ATP8A1: variants seen among roughly 807,000 people sequenced by gnomAD.
The protein encoded by ATP8A1 is phospholipid-transporting ATPase IA.
A neutral mutation model predicts 177.7 loss-of-function variants in ATP8A1; 90 were observed. That is an observed-to-expected ratio of 0.51 (90% CI 0.43 to 0.60). The LOEUF is 0.60. Among genes scored for constraint, ATP8A1 ranks in the 20% least tolerant of loss-of-function variants. The pLI, the probability that ATP8A1 is intolerant of heterozygous loss-of-function variation, is 0.00. For synonymous variants in ATP8A1, 493 were observed against 485.9 expected (o/e 1.01, Z -0.19); for missense variants, 1,072 against 1,392.8 (o/e 0.77, Z 3.67).
intron 1 of ATP8A1, among the ~76,000 whole-genome samples, chr4:42,635,505 A>T (rs28442039): frequency 2.0e-5 from 3 of 151,906 alleles, no homozygotes; most frequent in African/African-American, 7.3e-5. Flanking sequence ...TGCTTGCAAC[A>T]GTCAAAGAAT....
chr4:42,413,079 T>C (rs573149917), intron 36 of ATP8A1, 66 bp from the exon 37 acceptor site: 68 of 1,353,530 alleles, frequency 5.0e-5, no homozygotes, highest in Non-Finnish European at 1.1e-5. Flanking sequence ...TTCTGACTTT[T>C]GGGTATTCAT....
intron 19 of ATP8A1, among the ~76,000 whole-genome samples, chr4:42,547,742 A>G (rs1453254426): frequency 6.6e-6 from 1 of 152,210 alleles, no homozygotes; most frequent in Non-Finnish European, 1.5e-5. Flanking sequence ...AGCTTTAAAT[A>G]ATAAGTCAGA....
intron 33 of ATP8A1, among the ~76,000 whole-genome samples, chr4:42,436,295 C>G (rs1478786236): frequency 8.8e-6 from 1 of 113,556 alleles, no homozygotes; most frequent in African/African-American, 3.4e-5. Flanking sequence ...GTGCCTAACA[C>G]AGGCCCTGGC....
In ATP8A1 at chr4:42,524,984, A is replaced by T. The variant is rs528232010; in HGVS notation, c.1723-137T>A. ...TGGCATTCGTTTTAAAGAACAAGAT[A>T]TTTTTGTCTAATAATACTATTTTGC... On this transcript the variant is annotated intron_variant, in intron 20 of 36. Coordinates refer to ENST00000381668, the MANE Select transcript of ATP8A1 (RefSeq NM_006095.2). 5.0e-4 allele frequency: 258 copies of T among 513,070 alleles called. 2 individuals carry two copies. In the South Asian group the frequency reaches 6.8e-3, roughly 13 times the overall value. The allele number at this position is 513,070 out of a possible 1,614,324, so 31.8% of individuals were successfully genotyped here. A position where few individuals can be genotyped will look rare whatever the true frequency, so the allele number is the denominator to read the frequency against.
Position 42,413,580 on chromosome 4 carries a change from C to T in ATP8A1, c.3398-567G>A, listed in dbSNP as rs568878012. Among the ~76,000 whole-genome samples, 9 of 152,304 alleles carry T rather than the reference C, an allele frequency of 5.9e-5. No individual in the cohort carries two copies. The South Asian group carries it at 1.7e-3, about 28-fold the overall frequency. On this transcript the variant is annotated intron_variant, in intron 36 of 36. Coordinates refer to ENST00000381668, the MANE Select transcript of ATP8A1 (RefSeq NM_006095.2). Reference sequence around the variant, plus strand: ...TGCATATAACCTACACACATTCTCTCGTAGACTTAAAATCATTTCTAGATT... The same window carrying T: ...TGCATATAACCTACACACATTCTCTTGTAGACTTAAAATCATTTCTAGATT...
intron 16 of ATP8A1, among the ~76,000 whole-genome samples, chr4:42,555,328 ATT>A (rs1560455387): frequency 3.3e-5 from 5 of 152,024 alleles, no homozygotes; most frequent in African/African-American, 1.2e-4. Flanking sequence ...CAGATAACTT[ATT>A]TCTATAAGTT....
rs147160896 is a variant in ATP8A1, at chr4:42,526,187, G to A, written c.1723-1340C>T. ...AAACATTCTAGCGGAAGACACTGACGTTTAGAATGAGAAAAATTAATTTTC... is the reference window on the plus strand; with the variant it reads ...AAACATTCTAGCGGAAGACACTGACATTTAGAATGAGAAAAATTAATTTTC... On this transcript the variant is annotated intron_variant, in intron 20 of 36. Coordinates refer to ENST00000381668, the MANE Select transcript of ATP8A1 (RefSeq NM_006095.2). Among the ~76,000 whole-genome samples, 536 of 151,366 alleles carry A rather than the reference G, an allele frequency of 3.5e-3. 2 individuals carry two copies. The highest frequency in any genetic ancestry group is 0.011 in the African/African-American group (473 of 41,492).
At position 42,465,084 on chromosome 4, in the gene ATP8A1, T is replaced by C; in HGVS notation, c.2325-8A>G. ...TTTTGAAGAGGAGAAACCCTGAAATTGAAACACATTATCAATTACTGTTTT... is the reference window on the plus strand; with the variant it reads ...TTTTGAAGAGGAGAAACCCTGAAATCGAAACACATTATCAATTACTGTTTT... On this transcript the variant is annotated splice_region_variant and splice_polypyrimidine_tract_variant and intron_variant, in intron 25 of 36. Coordinates refer to ENST00000381668, the MANE Select transcript of ATP8A1 (RefSeq NM_006095.2). 6.2e-7 allele frequency: 1 copy of C among 1,607,044 alleles called. No homozygotes were observed. Among genetic ancestry groups the C allele is most frequent in the Non-Finnish European group, 8.5e-7 (1 of 1,175,120 alleles).
chr4:42,599,745 G>C (rs1735060808), intron 6 of ATP8A1, among the ~76,000 whole-genome samples: 1 of 152,102 alleles, frequency 6.6e-6, no homozygotes, highest in African/African-American at 2.4e-5. Context: ...CACCTCTAAT[G>C]TCCTGGCAAT....
At chr4:42,488,397 C>CAAAAAAAAA (rs796564428) in intron 24 of ATP8A1, among the ~76,000 whole-genome samples, 1 of 141,690 alleles carries the variant, frequency 7.1e-6, no homozygotes. Context: ...TGCAATCCAG[C>CAAAAAAAAA]AAAAAAAAAA....
chr4:42,615,923 A>G, intron 5 of ATP8A1, 110 bp downstream of exon 5: 1 of 1,049,874 alleles, frequency 9.5e-7, no homozygotes, highest in Non-Finnish European at 1.4e-6. Context: ...ACCCCAAAAC[A>G]AAAACTTGAG....
At chr4:42,503,305 G>C in intron 24 of ATP8A1, 145 bp downstream of exon 24, 1 of 482,956 alleles carries the variant, frequency 2.1e-6, no homozygotes, top group Non-Finnish European at 3.7e-6. Flanking sequence ...ACTCAAAACA[G>C]AGTACATTAT....
intron 24 of ATP8A1, among the ~76,000 whole-genome samples, chr4:42,496,793 T>C (rs1723315959): frequency 1.0e-5 from 1 of 96,326 alleles, no homozygotes; most frequent in South Asian, 3.9e-4. Flanking sequence ...TACACATATA[T>C]GCACATATAC....
chr4:42,614,739 G>C (rs932750761), intron 5 of ATP8A1, among the ~76,000 whole-genome samples: 1 of 152,134 alleles, frequency 6.6e-6, no homozygotes, highest in African/African-American at 2.4e-5. Context: ...CCTCTGATGT[G>C]AATCTCCTTT....
At chr4:42,500,131 G>A (rs1723710372) in intron 24 of ATP8A1, among the ~76,000 whole-genome samples, 1 of 152,146 alleles carries the variant, frequency 6.6e-6, no homozygotes, top group Admixed American at 6.5e-5. Context: ...TTGGGAGGCC[G>A]AGCTGGGTGG....
At chr4:42,609,126 T>A (rs1051233430) in intron 5 of ATP8A1, among the ~76,000 whole-genome samples, 1 of 152,202 alleles carries the variant, frequency 6.6e-6, no homozygotes, top group Non-Finnish European at 1.5e-5. Context: ...TCAAATTGGT[T>A]GATACTACTT....
intron 35 of ATP8A1, among the ~76,000 whole-genome samples, chr4:42,416,362 T>C (rs1347705180): frequency 2.0e-5 from 3 of 152,136 alleles, no homozygotes; most frequent in Admixed American, 2.0e-4. Flanking sequence ...AAAAGACATT[T>C]TCCAGGTTTC....
intron 33 of ATP8A1, among the ~76,000 whole-genome samples, chr4:42,431,869 A>C (rs1420604056): frequency 6.6e-6 from 1 of 152,164 alleles, no homozygotes; most frequent in Admixed American, 6.5e-5. Flanking sequence ...TCTTCTCAGG[A>C]AGCATCTTCT....
chr4:42,573,569 G>A (rs62302290), intron 14 of ATP8A1, among the ~76,000 whole-genome samples: 4,405 of 152,240 alleles, frequency 0.029, 105 homozygotes, highest in Middle Eastern at 0.085. Context: ...TCTTTACAGT[G>A]TGAAAAAGCC....
Sources: allele counts gnomAD v4.1 joint callset (sites outside exome capture counted in the v4.1 genomes callset), GRCh38; gene constraint gnomAD v4.1.1; transcripts MANE v1.5; gene names NCBI Gene and HGNC (gene_info 2026-07-23, HGNC 2026-07-21).